INPP4B: variants seen among roughly 807,000 people sequenced by gnomAD.
INPP4B encodes the protein inositol polyphosphate-4-phosphatase type II B, also known as inositol polyphosphate 4-phosphatase type II.
Under a neutral mutation model 122.5 loss-of-function variants are expected in INPP4B, and 55 were observed. The ratio of observed to expected loss-of-function variants is 0.45; its 90% CI spans 0.36 to 0.56. The LOEUF (loss-of-function observed/expected upper bound fraction) is 0.56, where lower values mean the gene tolerates loss of function less well. Among genes scored for constraint, INPP4B ranks in the 20% least tolerant of loss-of-function variants. The probability of loss-of-function intolerance (pLI) is 0.00; values close to 1 mark genes in which losing one functional copy is unlikely to be tolerated. For synonymous variants in INPP4B, 403 were observed against 388.7 expected (o/e 1.04, Z -0.43); for missense variants, 1,000 against 1,097.7 (o/e 0.91, Z 1.26).
At chr4:142,664,218 T>A (rs918520112) in intron 2 of INPP4B, among the ~76,000 whole-genome samples, 1 of 152,202 alleles carries the variant, frequency 6.6e-6, no homozygotes, top group African/African-American at 2.4e-5. Flanking sequence ...AGGACTTTGA[T>A]GGTAGCAGGC....
intron 1 of INPP4B, among the ~76,000 whole-genome samples, chr4:142,827,197 C>T (rs1781556042): frequency 2.0e-5 from 3 of 152,178 alleles, no homozygotes; most frequent in African/African-American, 7.2e-5. Context: ...ACACACCAGC[C>T]AGCCCCATGT....
At chr4:142,439,457 C>T (rs1811232999) in intron 3 of INPP4B, among the ~76,000 whole-genome samples, 1 of 152,200 alleles carries the variant, frequency 6.6e-6, no homozygotes, top group South Asian at 2.1e-4. Context: ...CCCAAACTGA[C>T]ACAAACACTT....
At chr4:142,136,712 T>C (rs1476927103) in intron 18 of INPP4B, among the ~76,000 whole-genome samples, 2 of 152,156 alleles carry the variant, frequency 1.3e-5, no homozygotes, top group African/African-American at 2.4e-5. Flanking sequence ...GAAAGTGTCT[T>C]GAAGAGGCAG....
intron 2 of INPP4B, among the ~76,000 whole-genome samples, chr4:142,494,500 C>T (rs1444251242): frequency 2.0e-5 from 3 of 152,126 alleles, no homozygotes; most frequent in African/African-American, 4.8e-5. Context: ...CCTACTTTAG[C>T]TTTCCTTGTG....
At chr4:142,318,981 A>G (rs1033967790) in intron 7 of INPP4B, among the ~76,000 whole-genome samples, 2 of 152,188 alleles carry the variant, frequency 1.3e-5, no homozygotes, top group African/African-American at 4.8e-5. Flanking sequence ...TACAATGAGC[A>G]TGGGTATTGC....
At chr4:142,127,232 A>G (rs1042901139) in intron 18 of INPP4B, among the ~76,000 whole-genome samples, 6 of 152,198 alleles carry the variant, frequency 3.9e-5, no homozygotes, top group African/African-American at 1.4e-4. Flanking sequence ...TCAACTGGTC[A>G]ATACTTTATA....
intron 9 of INPP4B, among the ~76,000 whole-genome samples, chr4:142,286,547 G>C (rs1455095791): frequency 2.0e-5 from 3 of 152,046 alleles, no homozygotes; most frequent in Non-Finnish European, 4.4e-5. Context: ...AATAACCCTG[G>C]ATATAGCTTT....
Position 142,142,615 on chromosome 4 carries a change from A to G in INPP4B, c.1720+3225T>C, listed in dbSNP as rs561327053. 3.3e-5 allele frequency among the ~76,000 whole-genome samples: 5 copies of G among 152,222 alleles called. No homozygotes were observed. The South Asian group carries it at 1.0e-3, about 32-fold the overall frequency. Reference sequence around the variant, plus strand: ...TAAGAAAATGAGTAAGGGAAATAAGAAAGTAAGGGAGTAAACAACATATGG... The same window carrying G: ...TAAGAAAATGAGTAAGGGAAATAAGGAAGTAAGGGAGTAAACAACATATGG... On this transcript the variant is annotated intron_variant, in intron 18 of 25. Coordinates refer to ENST00000262992, the MANE Select transcript of INPP4B (RefSeq NM_001101669.3).
chr4:142,593,114 A>C (rs576657468), intron 2 of INPP4B, among the ~76,000 whole-genome samples: 1 of 152,082 alleles, frequency 6.6e-6, no homozygotes, highest in East Asian at 1.9e-4. Context: ...TAAAAAAAAA[A>C]AAAAATGGTA....
At chr4:142,834,627 C>T (rs866285464) in intron 1 of INPP4B, among the ~76,000 whole-genome samples, 1 of 151,970 alleles carries the variant, frequency 6.6e-6, no homozygotes. Context: ...TTTTGTAGAC[C>T]AATGTGTTGG....
intron 2 of INPP4B, among the ~76,000 whole-genome samples, chr4:142,723,701 A>G (rs1378835698): frequency 6.6e-6 from 1 of 152,148 alleles, no homozygotes; most frequent in Admixed American, 6.5e-5. Context: ...TATACTAAGA[A>G]AAGCTGAATG....
chr4:142,549,192 C>T (rs1014521915), intron 2 of INPP4B, among the ~76,000 whole-genome samples: 1 of 152,114 alleles, frequency 6.6e-6, no homozygotes, highest in Non-Finnish European at 1.5e-5. Context: ...TTCATTTGTT[C>T]TTCTGCTGCC....
At chr4:142,632,490 C>T (rs1442371831) in intron 2 of INPP4B, among the ~76,000 whole-genome samples, 1 of 151,938 alleles carries the variant, frequency 6.6e-6, no homozygotes, top group African/African-American at 2.4e-5. Flanking sequence ...TTCAAATATA[C>T]ACTTGATAGA....
At chr4:142,540,699 C>G (rs1029127900) in intron 2 of INPP4B, among the ~76,000 whole-genome samples, 2 of 152,084 alleles carry the variant, frequency 1.3e-5, no homozygotes, top group African/African-American at 4.8e-5. Context: ...AGGAATCATG[C>G]ATAGTGCTTT....
intron 12 of INPP4B, among the ~76,000 whole-genome samples, chr4:142,237,625 G>C (rs1857235982): frequency 6.6e-6 from 1 of 151,838 alleles, no homozygotes; most frequent in African/African-American, 2.4e-5. Context: ...ATAGGGGACA[G>C]TTCAGGTCTA....
chr4:142,721,271 T>C (rs1240886522), intron 2 of INPP4B, among the ~76,000 whole-genome samples: 1 of 152,152 alleles, frequency 6.6e-6, no homozygotes, highest in Non-Finnish European at 1.5e-5. Flanking sequence ...ACCATGACCC[T>C]ACTCCATTTC....
intron 7 of INPP4B, among the ~76,000 whole-genome samples, chr4:142,337,570 G>A (rs890649976): frequency 1.3e-5 from 2 of 149,024 alleles, no homozygotes; most frequent in African/African-American, 4.9e-5. Context: ...ATGTTTACTG[G>A]CCATTTGATT....
chr4:142,628,557 TAAA>T (rs35955830), intron 2 of INPP4B, among the ~76,000 whole-genome samples: 42 of 99,886 alleles, frequency 4.2e-4, no homozygotes, highest in Admixed American at 5.4e-4. Context: ...AAACTTAAAG[TAAA>T]AAAAAAAAAA....
At chr4:142,111,805 G>A (rs544568421) in intron 22 of INPP4B, among the ~76,000 whole-genome samples, 5 of 152,060 alleles carry the variant, frequency 3.3e-5, no homozygotes, top group South Asian at 2.1e-4. Context: ...GTACAGTGGC[G>A]TGATCTCAGC....
Sources: allele counts gnomAD v4.1 joint callset (sites outside exome capture counted in the v4.1 genomes callset), GRCh38; gene constraint gnomAD v4.1.1; transcripts MANE v1.5; gene names NCBI Gene and HGNC (gene_info 2026-07-23, HGNC 2026-07-21).